The following ADAMTS9 variants were observed in gnomAD, a reference collection of about 807,000 sequenced individuals.
ADAMTS9 encodes A disintegrin and metalloproteinase with thrombospondin motifs 9.
ADAMTS9 carries 107 observed loss-of-function variants against 257.1 expected under a neutral mutation model. The ratio of observed to expected loss-of-function variants is 0.42; its 90% confidence interval spans 0.36 to 0.49. The LOEUF (loss-of-function observed/expected upper bound fraction) is 0.49. Ranked by LOEUF, ADAMTS9 falls within the 20% of genes least tolerant of loss-of-function variation. The pLI, the probability that ADAMTS9 is intolerant of heterozygous loss-of-function variation, is 0.03. For synonymous variants in ADAMTS9, 982 were observed against 880.9 expected (o/e 1.11, Z -2.03); for missense variants, 2,353 against 2,469.1 (o/e 0.95, Z 1.00).
intron 28 of ADAMTS9, among the ~76,000 whole-genome samples, chr3:64,575,402 C>A (rs560437688): frequency 6.6e-6 from 1 of 152,170 alleles, no homozygotes; most frequent in Non-Finnish European, 1.5e-5. Flanking sequence ...TGGCTCCCGT[C>A]GCAATGGGGG....
chr3:64,576,222 C>T (rs2083843102), intron 28 of ADAMTS9, among the ~76,000 whole-genome samples: 3 of 152,194 alleles, frequency 2.0e-5, no homozygotes, highest in Admixed American at 2.0e-4. Flanking sequence ...TCCCTGCTTA[C>T]ACTTAGGTTT....
chr3:64,545,522 A>G (rs1161786427), intron 32 of ADAMTS9, among the ~76,000 whole-genome samples: 2 of 152,166 alleles, frequency 1.3e-5, no homozygotes, highest in East Asian at 1.9e-4. Context: ...AAAACCAAAC[A>G]CTGCATGTTC....
At chr3:64,633,969 T>C (rs2106899302) in intron 12 of ADAMTS9, 90 bp from the exon 13 acceptor site, 1 of 1,238,818 alleles carries the variant, frequency 8.1e-7, no homozygotes, top group Admixed American at 2.3e-5. Flanking sequence ...TCCTGTCTTC[T>C]AGAGAAGTAA....
At chr3:64,636,893 T>C (rs1274229994) in intron 12 of ADAMTS9, among the ~76,000 whole-genome samples, 1 of 152,224 alleles carries the variant, frequency 6.6e-6, no homozygotes, top group Non-Finnish European at 1.5e-5. Flanking sequence ...TCCTGATCCC[T>C]GGACTATTCT....
Position 64,641,711 on chromosome 3 carries a change from G to C in ADAMTS9, c.1856+137C>G, listed in dbSNP as rs139346957. The stretch of plus-strand genomic sequence containing the variant: ...TGGGAATAGACTTTGGGTACCGTGG[G>C]TCTAAGCAGCCCTTGAAGTTTACGT... On this transcript the variant is annotated intron_variant, in intron 12 of 39. Coordinates refer to ENST00000498707, the MANE Select transcript of ADAMTS9 (RefSeq NM_182920.2). The C allele has an allele frequency of 6.0e-4, 667 of 1,117,188 alleles. 1 individual carries two copies. The highest frequency in any genetic ancestry group is 4.1e-3 in the African/African-American group (266 of 64,420). 69.2% of individuals were successfully genotyped at this position (1,117,188 alleles called of 1,614,324 possible). A position where few individuals can be genotyped will look rare whatever the true frequency, so the allele number is the denominator to read the frequency against.
chr3:64,655,897 C>A, intron 4 of ADAMTS9, 22 bp from the exon 5 acceptor site: 1 of 1,495,460 alleles, frequency 6.7e-7, no homozygotes, highest in Non-Finnish European at 9.0e-7. Flanking sequence ...ATAAATTTTT[C>A]AAAGTTAATT....
intron 3 of ADAMTS9, among the ~76,000 whole-genome samples, chr3:64,660,819 GA>G (rs1053617639): frequency 1.3e-5 from 2 of 150,334 alleles, no homozygotes; most frequent in African/African-American, 4.9e-5. Flanking sequence ...AATAAGCAAA[GA>G]AAAAAAAACG....
chr3:64,674,111 G>A (rs1405405499), intron 3 of ADAMTS9, among the ~76,000 whole-genome samples: 1 of 151,386 alleles, frequency 6.6e-6, no homozygotes, highest in African/African-American at 2.4e-5. Flanking sequence ...TAAAAAAAAA[G>A]GAAAGCAGAA....
At chr3:64,664,870 C>A (rs1180203961) in intron 3 of ADAMTS9, among the ~76,000 whole-genome samples, 1 of 152,158 alleles carries the variant, frequency 6.6e-6, no homozygotes, top group Non-Finnish European at 1.5e-5. Context: ...AGTGGTTACA[C>A]CATTTTCTTG....
At chr3:64,628,050 G>C (rs771585449) in intron 16 of ADAMTS9, among the ~76,000 whole-genome samples, 8 of 152,028 alleles carry the variant, frequency 5.3e-5, no homozygotes, top group Non-Finnish European at 1.0e-4. Context: ...TTCACACTCA[G>C]TGGACTGTGA....
At chr3:64,663,254 G>A (rs1236558210) in intron 3 of ADAMTS9, among the ~76,000 whole-genome samples, 1 of 152,026 alleles carries the variant, frequency 6.6e-6, no homozygotes, top group African/African-American at 2.4e-5. Flanking sequence ...TGAATAATAT[G>A]TATGGGACTT....
At chr3:64,607,857 T>A (rs1037413141) in intron 22 of ADAMTS9, among the ~76,000 whole-genome samples, 6 of 152,282 alleles carry the variant, frequency 3.9e-5, no homozygotes, top group African/African-American at 1.4e-4. Flanking sequence ...CTCTCAAACG[T>A]GCAGGGATCT....
intron 12 of ADAMTS9, among the ~76,000 whole-genome samples, chr3:64,638,631 T>C (rs1700559517): frequency 6.6e-6 from 1 of 152,124 alleles, no homozygotes; most frequent in African/African-American, 2.4e-5. Context: ...AGACAAAATA[T>C]GAGGGCCCCA....
At chr3:64,523,925 A>G (rs1349612268) in intron 38 of ADAMTS9, among the ~76,000 whole-genome samples, 5 of 152,206 alleles carry the variant, frequency 3.3e-5, no homozygotes. Context: ...GGCTCTGAAT[A>G]TTAGCTTTTG....
At chr3:64,611,886 G>A (rs140828164) in intron 22 of ADAMTS9, among the ~76,000 whole-genome samples, 9 of 152,250 alleles carry the variant, frequency 5.9e-5, no homozygotes, top group Non-Finnish European at 8.8e-5. Context: ...GGTAAAGGTG[G>A]TAGTTGCAAA....
In ADAMTS9 at chr3:64,607,045, C is replaced by T; in HGVS notation, c.3389G>A (p.Arg1130Lys). 6.2e-7 allele frequency: 1 copy of T among 1,613,852 alleles called. No homozygotes were observed. The highest frequency in any genetic ancestry group is 8.5e-7 in the Non-Finnish European group (1 of 1,179,816). The change falls in exon 23 of 40, where the codon AGA becomes AAA. Residue 1130 changes from arginine (R) to lysine (K), a missense_variant. Transcript: ENST00000498707. Reference sequence around the variant, plus strand: ...AGTCCCAATGATGCATTTCACTGCTCTTAGCTGGTATCCCTGTCCACAAGT... The same window carrying T: ...AGTCCCAATGATGCATTTCACTGCTTTTAGCTGGTATCCCTGTCCACAAGT... ...SVTCGQGYQL[R>K]AVKCIIGTYM...
chr3:64,539,077 A>T lies in ADAMTS9; in HGVS notation c.5613+126T>A, dbSNP rs950626201. 9 of 876,600 alleles carry T rather than the reference A, an allele frequency of 1.0e-5. No homozygotes were observed. In the African/African-American group the frequency reaches 1.3e-4, roughly 13 times the overall value. 54.3% of individuals were successfully genotyped at this position (876,600 alleles called of 1,614,324 possible). On this transcript the variant is annotated intron_variant, in intron 37 of 39. Transcript: ENST00000498707. The stretch of plus-strand genomic sequence containing the variant: ...AGAGCATTTGAGAGGGTCTTGATAC[A>T]TGTGGCCAAACTGCCCTCTAGAGCA...
chr3:64,621,753 C>G (rs952656718), intron 18 of ADAMTS9, among the ~76,000 whole-genome samples: 2 of 146,118 alleles, frequency 1.4e-5, no homozygotes, highest in African/African-American at 5.2e-5. Context: ...CAGACCAAGA[C>G]TCCATCTCAA....
intron 28 of ADAMTS9, among the ~76,000 whole-genome samples, chr3:64,569,266 T>A (rs183107606): frequency 6.6e-4 from 101 of 152,340 alleles, no homozygotes; most frequent in African/African-American, 2.3e-3. Context: ...TGACAGCTTC[T>A]TGTAAAACAG....
Sources: gnomAD v4.1 joint callset for allele counts (sites outside exome capture counted in the v4.1 genomes callset) on GRCh38, gnomAD v4.1.1 for gene constraint, MANE v1.5 for transcripts, NCBI Gene and HGNC (gene_info 2026-07-23, HGNC 2026-07-21) for gene names.